Variants in AOPEP observed in about 807,000 individuals in gnomAD.
AOPEP encodes aminopeptidase O.
In AOPEP, 77 loss-of-function variants were observed where a neutral mutation model predicts 98.1. The ratio of observed to expected loss-of-function variants is 0.78; its 90% CI spans 0.65 to 0.95. The LOEUF (loss-of-function observed/expected upper bound fraction) is 0.95, where lower values mean the gene tolerates loss of function less well. Among genes scored for constraint, AOPEP ranks in the 40% least tolerant of loss-of-function variants. The probability of loss-of-function intolerance (pLI) is 0.00; values close to 1 mark genes in which losing one functional copy is unlikely to be tolerated. For synonymous variants in AOPEP, 346 were observed against 365.3 expected, an observed-to-expected ratio of 0.95 and a Z score of 0.60; for missense variants, 1,024 against 1,024.7, an observed-to-expected ratio of 1.00 and a Z score of 0.01.
Position 94,883,755 on chromosome 9 carries a change from T to C in AOPEP, c.1365-40231T>C, listed in dbSNP as rs143547922. Among the ~76,000 whole-genome samples, 90 of 152,330 alleles carry C rather than the reference T, an allele frequency of 5.9e-4. 1 individual carries two copies. The East Asian group carries it at 0.017, about 28-fold the overall frequency. On this transcript the variant is annotated intron_variant, in intron 5 of 16. Coordinates refer to ENST00000375315, the MANE Select transcript of AOPEP (RefSeq NM_001193329.3). ...CTCTCATCTAACATAAGTTTATTCT[T>C]ATGAGACAGTTTCAGTTGATGGCAG...
intron 5 of AOPEP, among the ~76,000 whole-genome samples, chr9:94,879,065 A>G (rs531441836): frequency 1.4e-4 from 22 of 152,342 alleles, no homozygotes; most frequent in Admixed American, 5.2e-4. Context: ...CAGTTTATCA[A>G]TCTGGGTGGT....
chr9:94,749,399 G>A (rs1285593106), intron 1 of AOPEP, among the ~76,000 whole-genome samples: 1 of 152,064 alleles, frequency 6.6e-6, no homozygotes, highest in Non-Finnish European at 1.5e-5. Context: ...TCTCCAAGGA[G>A]GGCTGTTTCC....
At chr9:95,110,912 A>G in the AOPEP span, 1 of 1,304,294 alleles carries the variant, frequency 7.7e-7, no homozygotes, top group Admixed American at 3.4e-5. Flanking sequence ...TCTGTTATTT[A>G]GGAAATGACC....
At chr9:94,840,821 A>G (rs775388117) in intron 5 of AOPEP, among the ~76,000 whole-genome samples, 5 of 151,522 alleles carry the variant, frequency 3.3e-5, no homozygotes, top group Non-Finnish European at 7.4e-5. Context: ...AAATGTCTTC[A>G]TGGTTTTTAG....
chr9:94,834,407 A>C (rs2041291142), intron 5 of AOPEP, among the ~76,000 whole-genome samples: 1 of 152,222 alleles, frequency 6.6e-6, no homozygotes, highest in Non-Finnish European at 1.5e-5. Flanking sequence ...GCTTATCAAG[A>C]AGTTGAACAC....
chr9:95,013,406 CT>C (rs11453647), intron 13 of AOPEP, among the ~76,000 whole-genome samples: 164 of 140,332 alleles, frequency 1.2e-3, no homozygotes, highest in African/African-American at 2.1e-3. Flanking sequence ...AAATATTATC[CT>C]TTTTTTTTTT....
intron 7 of AOPEP, among the ~76,000 whole-genome samples, chr9:94,938,641 G>A (rs2056625126): frequency 6.6e-6 from 1 of 152,182 alleles, no homozygotes; most frequent in South Asian, 2.1e-4. Context: ...GCCACGAAAA[G>A]AACCAGTGAG....
the AOPEP span, chr9:95,117,498 C>T: frequency 1.3e-6 from 1 of 799,252 alleles, no homozygotes; most frequent in Non-Finnish European, 2.2e-6. Flanking sequence ...CCAGTACTAA[C>T]ATGGTCAGAA....
intron 13 of AOPEP, among the ~76,000 whole-genome samples, chr9:95,006,502 G>C (rs1328616309): frequency 6.6e-6 from 1 of 152,130 alleles, no homozygotes; most frequent in African/African-American, 2.4e-5. Flanking sequence ...CCGAGAATGT[G>C]CACAAAGCAC....
intron 11 of AOPEP, 40 bp from the exon 12 acceptor site, chr9:95,005,118 G>T: frequency 9.4e-7 from 1 of 1,058,874 alleles, no homozygotes; most frequent in South Asian, 4.1e-5. Context: ...GGCCGGGGCC[G>T]CTCCCGCGGT....
intron 7 of AOPEP, among the ~76,000 whole-genome samples, chr9:94,947,228 G>T (rs184422563): frequency 6.6e-6 from 1 of 151,366 alleles, no homozygotes; most frequent in Non-Finnish European, 1.5e-5. Context: ...TGATCCACCC[G>T]CCTCGGCCTC....
At chr9:94,820,335 C>T (rs1004095268) in intron 5 of AOPEP, among the ~76,000 whole-genome samples, 2 of 152,078 alleles carry the variant, frequency 1.3e-5, no homozygotes, top group Admixed American at 1.3e-4. Flanking sequence ...TGTATTAACC[C>T]CCTGTGTTCC....
At chr9:94,812,083 A>T (rs1850728719) in intron 5 of AOPEP, among the ~76,000 whole-genome samples, 2 of 152,142 alleles carry the variant, frequency 1.3e-5, no homozygotes, top group African/African-American at 4.8e-5. Flanking sequence ...TACTAATTAG[A>T]TCATGAGGCT....
chr9:95,082,064 G>A (rs1416197721), intron 15 of AOPEP, among the ~76,000 whole-genome samples: 2 of 152,042 alleles, frequency 1.3e-5, no homozygotes, highest in Non-Finnish European at 2.9e-5. Context: ...AGGCGGGGTG[G>A]GCGTCTCTGC....
chr9:94,727,902 G>A (rs1829576563), intron 1 of AOPEP, among the ~76,000 whole-genome samples: 1 of 152,128 alleles, frequency 6.6e-6, no homozygotes, highest in African/African-American at 2.4e-5. Flanking sequence ...CAACCACCTC[G>A]TGAGTTAGGA....
the AOPEP span, among the ~76,000 whole-genome samples, chr9:95,149,185 T>C: frequency 6.6e-6 from 1 of 152,180 alleles, no homozygotes; most frequent in Non-Finnish European, 1.5e-5. Flanking sequence ...TTTTTAAAAA[T>C]TTAGTTTCAA....
chr9:95,144,486 C>T, the AOPEP span, among the ~76,000 whole-genome samples: 2 of 152,232 alleles, frequency 1.3e-5, no homozygotes, highest in African/African-American at 4.8e-5. Flanking sequence ...GAGCACTGTG[C>T]TAGAGCAGGA....
chr9:95,093,680 G>A, the AOPEP span, among the ~76,000 whole-genome samples: 5 of 152,196 alleles, frequency 3.3e-5, no homozygotes, highest in East Asian at 1.9e-4. Context: ...CCCTGGCGCC[G>A]GCAAGCACGT....
chr9:94,967,108 C>A (rs191829474), intron 9 of AOPEP, among the ~76,000 whole-genome samples: 158 of 152,146 alleles, frequency 1.0e-3, no homozygotes, highest in African/African-American at 3.8e-3. Flanking sequence ...TTGAAATTTT[C>A]CATAGTAAAG....
Sources: gnomAD v4.1 joint callset for allele counts (sites outside exome capture counted in the v4.1 genomes callset) on GRCh38, gnomAD v4.1.1 for gene constraint, MANE v1.5 for transcripts, NCBI Gene and HGNC (gene_info 2026-07-23, HGNC 2026-07-21) for gene names.